The following ADAMTS18 variants were observed in gnomAD, a reference collection of about 807,000 sequenced individuals.
ADAMTS18 encodes the protein A disintegrin and metalloproteinase with thrombospondin motifs 18.
A neutral mutation model predicts 165.9 loss-of-function variants in ADAMTS18; 157 were observed. The ratio of observed to expected loss-of-function variants is 0.95; its 90% confidence interval spans 0.83 to 1.08. ADAMTS18 has a LOEUF of 1.08. ADAMTS18 is among the 50% of genes least tolerant of loss of function. The pLI, the probability that ADAMTS18 is intolerant of heterozygous loss-of-function variation, is 0.00. For synonymous variants in ADAMTS18, 782 were observed against 578.2 expected (o/e 1.35, Z -5.06); for missense variants, 2,040 against 1,534.0 (o/e 1.33, Z -5.51).
At chr16:77,288,475 G>T (rs2055298503) in intron 22 of ADAMTS18, among the ~76,000 whole-genome samples, 1 of 151,770 alleles carries the variant, frequency 6.6e-6, no homozygotes, top group Non-Finnish European at 1.5e-5. Context: ...CCTGGCATTT[G>T]TCAGATTACT....
intron 3 of ADAMTS18, among the ~76,000 whole-genome samples, chr16:77,401,746 C>T (rs2057334564): frequency 2.0e-5 from 3 of 152,208 alleles, no homozygotes. Context: ...AGAGAAGCAT[C>T]ATCTAATTTC....
chr16:77,353,294 G>GA (rs1480039493), intron 10 of ADAMTS18, among the ~76,000 whole-genome samples: 2 of 151,980 alleles, frequency 1.3e-5, no homozygotes, highest in African/African-American at 2.4e-5. Context: ...GATGTACCTT[G>GA]AATTTATAGA....
At position 77,367,462 on chromosome 16, in the gene ADAMTS18, A is replaced by G; in HGVS notation, c.757T>C (p.Phe253Leu). ...YHHRRLQKQH[F>L]CGRRKKYAPK... The stretch of plus-strand genomic sequence containing the variant: ...ATACATTTCTTGCGTCGTCCACAAA[A>G]ATGCTGCTTTTGCAACCTTCGATGG... The change falls in exon 4 of 23, where the codon TTT (phenylalanine) becomes CTT (leucine). Residue 253 changes from phenylalanine (F) to leucine (L), a missense_variant. Transcript: ENST00000282849. 1 of 1,614,144 alleles carries G rather than the reference A, an allele frequency of 6.2e-7. No individual in the cohort carries two copies. Among genetic ancestry groups the G allele is most frequent in the Non-Finnish European group, 8.5e-7 (1 of 1,180,018 alleles).
chr16:77,294,744 G>A (rs868078286), intron 19 of ADAMTS18, among the ~76,000 whole-genome samples, 179 bp downstream of exon 19: 1 of 152,114 alleles, frequency 6.6e-6, no homozygotes, highest in Non-Finnish European at 1.5e-5. Context: ...TGGGAGAGGG[G>A]TGCCAAAACT....
At chr16:77,335,979 C>T in intron 11 of ADAMTS18, 75 bp from the exon 12 acceptor site, 1 of 1,569,378 alleles carries the variant, frequency 6.4e-7, no homozygotes, top group East Asian at 2.2e-5. Flanking sequence ...AACACCTGCA[C>T]AGTAACAGGA....
At chr16:77,393,037 G>A (rs1383692506) in intron 3 of ADAMTS18, among the ~76,000 whole-genome samples, 1 of 152,168 alleles carries the variant, frequency 6.6e-6, no homozygotes, top group Non-Finnish European at 1.5e-5. Context: ...CCATCAAAGG[G>A]TTAATGCGCT....
At position 77,334,263 on chromosome 16, in the gene ADAMTS18, T is replaced by C. The variant is rs1435090250; in HGVS notation, c.1859+1493A>G. ...AGTGTTATATATTACATATAATATA[T>C]AGTGTTATATATTATATATAATATA... is the stretch of plus-strand genomic sequence containing the variant. On this transcript the variant is annotated intron_variant, in intron 12 of 22. Coordinates refer to ENST00000282849, the MANE Select transcript of ADAMTS18 (RefSeq NM_199355.4). Among the ~76,000 whole-genome samples the C allele has an allele frequency of 4.9e-5, 5 of 102,046 alleles. 1 individual carries two copies. Among genetic ancestry groups the C allele is most frequent in the Non-Finnish European group, 8.7e-5 (5 of 57,724 alleles). The allele number at this position is 102,046 out of a possible 152,430, so 66.9% of individuals were successfully genotyped here.
intron 20 of ADAMTS18, 59 bp downstream of exon 20, chr16:77,293,017 C>T (rs1386502616): frequency 1.2e-6 from 2 of 1,606,532 alleles, no homozygotes; most frequent in South Asian, 1.1e-5. Context: ...GACAGGGTTT[C>T]ACTGTGTTAG....
At chr16:77,326,116 G>C in intron 12 of ADAMTS18, 78 bp from the exon 13 acceptor site, 1 of 1,441,810 alleles carries the variant, frequency 6.9e-7, no homozygotes, top group Non-Finnish European at 9.6e-7. Flanking sequence ...TATGAAGAGA[G>C]GCAATGAAGA....
intron 1 of ADAMTS18, 45 bp downstream of exon 1, chr16:77,434,561 C>T: frequency 3.3e-6 from 5 of 1,530,764 alleles, no homozygotes; most frequent in Admixed American, 2.0e-5. Context: ...TGGCGTCGGG[C>T]GCCCCCTGCC....
intron 3 of ADAMTS18, among the ~76,000 whole-genome samples, chr16:77,430,060 G>A (rs181499088): frequency 1.3e-5 from 2 of 152,272 alleles, no homozygotes; most frequent in Admixed American, 1.3e-4. Flanking sequence ...GGTGGGTTGT[G>A]TAAACTCCTC....
chr16:77,432,210 G>A (rs893946321), intron 2 of ADAMTS18, among the ~76,000 whole-genome samples: 3 of 152,160 alleles, frequency 2.0e-5, no homozygotes, highest in Non-Finnish European at 2.9e-5. Context: ...GAAAACTCCA[G>A]CACTTGTATC....
chr16:77,336,455 A>C (rs2056312277), intron 11 of ADAMTS18, among the ~76,000 whole-genome samples: 1 of 152,216 alleles, frequency 6.6e-6, no homozygotes, highest in South Asian at 2.1e-4. Context: ...TGCTTATTCC[A>C]AACCCGTCAC....
chr16:77,343,844 G>A (rs535661598), intron 10 of ADAMTS18, among the ~76,000 whole-genome samples: 50 of 152,146 alleles, frequency 3.3e-4, no homozygotes, highest in African/African-American at 1.1e-3. Flanking sequence ...CATTTTGGTG[G>A]GCACATTCTA....
chr16:77,334,122 TATATA>T (rs1165796252), intron 12 of ADAMTS18, among the ~76,000 whole-genome samples: 2 of 114,520 alleles, frequency 1.7e-5, no homozygotes, highest in Non-Finnish European at 3.3e-5. Flanking sequence ...TTATATATTA[TATATA>T]ATATATAGTG....
Position 77,431,367 on chromosome 16 carries a change from C to T in ADAMTS18, c.423G>A (p.Gln141=), listed in dbSNP as rs1008340638. The T allele has an allele frequency of 1.9e-6, 3 of 1,614,008 alleles. No individual in the cohort carries two copies. The highest frequency in any genetic ancestry group is 2.5e-6 in the Non-Finnish European group (3 of 1,180,030). ...GASETQKPEV[Q]QCFYQGFIRN... The stretch of plus-strand genomic sequence containing the variant: ...TGATAAATCCCTGATAGAAGCATTG[C>T]TGCACCTCGGGTTTCTGAGTCTCTG... The change falls in exon 3 of 23, where the codon CAG becomes CAA. Residue 141 remains glutamine, a synonymous_variant. Transcript: ENST00000282849.
At chr16:77,373,827 C>T (rs1233303544) in intron 3 of ADAMTS18, among the ~76,000 whole-genome samples, 3 of 152,146 alleles carry the variant, frequency 2.0e-5, no homozygotes, top group African/African-American at 7.2e-5. Flanking sequence ...CAACCCTCTC[C>T]CCACCATCCC....
At chr16:77,421,136 G>T (rs1046554248) in intron 3 of ADAMTS18, among the ~76,000 whole-genome samples, 1 of 152,176 alleles carries the variant, frequency 6.6e-6, no homozygotes, top group African/African-American at 2.4e-5. Flanking sequence ...ATAAGGGGCA[G>T]ATAAAATATT....
intron 3 of ADAMTS18, among the ~76,000 whole-genome samples, chr16:77,381,731 G>A (rs1325168781): frequency 6.6e-6 from 1 of 152,152 alleles, no homozygotes; most frequent in East Asian, 1.9e-4. Context: ...GAACCCAGGA[G>A]GCGGAGGTTG....
Sources: gnomAD v4.1 joint callset for allele counts (sites outside exome capture counted in the v4.1 genomes callset) on GRCh38, gnomAD v4.1.1 for gene constraint, MANE v1.5 for transcripts, NCBI Gene and HGNC (gene_info 2026-07-23, HGNC 2026-07-21) for gene names.